ILDR1: variants seen among roughly 807,000 people sequenced by gnomAD.
ILDR1 encodes the protein immunoglobulin like domain containing receptor 1.
A neutral mutation model predicts 62.4 loss-of-function variants in ILDR1; 56 were observed. The observed-to-expected ratio is 0.90, with a 90% CI of 0.72 to 1.12. The LOEUF (loss-of-function observed/expected upper bound fraction) is 1.12. ILDR1 is among the 50% of genes most tolerant of loss of function. The pLI is 0.00. For synonymous variants in ILDR1, 284 were observed against 277.8 expected (o/e 1.02, Z -0.22); for missense variants, 736 against 710.6 (o/e 1.04, Z -0.41).
intron 5 of ILDR1, among the ~76,000 whole-genome samples, chr3:121,996,258 CT>C (rs1172594074): frequency 1.3e-5 from 2 of 152,206 alleles, no homozygotes; most frequent in Non-Finnish European, 2.9e-5. Context: ...GATTTTTTCA[CT>C]AATGGGACTC....
the ILDR1 span, among the ~76,000 whole-genome samples, chr3:122,050,403 TCTTA>T: frequency 8.6e-3 from 1,315 of 152,272 alleles, 22 homozygotes; most frequent in African/African-American, 0.029. Flanking sequence ...TTTATACCTT[TCTTA>T]CTTTCTTTTG....
intron 1 of ILDR1, among the ~76,000 whole-genome samples, chr3:122,011,664 C>T (rs1159609416): frequency 1.3e-5 from 2 of 150,530 alleles, no homozygotes; most frequent in African/African-American, 4.9e-5. Flanking sequence ...TTCTCTCTCT[C>T]TCTCTCTCTC....
At position 122,022,024 on chromosome 3, in the gene ILDR1, T is replaced by G; in HGVS notation, c.54A>C (p.Pro18=). 12 of 1,611,082 alleles carry G rather than the reference T, an allele frequency of 7.4e-6. No individual in the cohort carries two copies. The highest frequency in any genetic ancestry group is 1.0e-5 in the Non-Finnish European group (12 of 1,178,730). The part of the protein sequence containing the change: ...APWLLLCTWL[P]AGCLSLLVTV... ...TACCATTTTTCCAAGGCTCACCTGC[T>G]GGGAGCCAGGTGCAGAGCAGCAGCC... Residue 18 remains proline (P), a synonymous_variant, in exon 1 of 8, where the codon CCA becomes CCC. Transcript: ENST00000344209.
the ILDR1 span, among the ~76,000 whole-genome samples, chr3:122,037,843 G>T: frequency 6.6e-6 from 1 of 152,148 alleles, no homozygotes; most frequent in Non-Finnish European, 1.5e-5. Context: ...AGATCATGGG[G>T]CAGATTTCCT....
At chr3:121,998,161 C>T in intron 5 of ILDR1, among the ~76,000 whole-genome samples, 1 of 152,188 alleles carries the variant, frequency 6.6e-6, no homozygotes, top group East Asian at 1.9e-4. Context: ...GGCTGCTTCC[C>T]TTTCCCTTCC....
chr3:122,041,705 G>T, the ILDR1 span, among the ~76,000 whole-genome samples: 1 of 151,864 alleles, frequency 6.6e-6, no homozygotes, highest in Non-Finnish European at 1.5e-5. Context: ...TCCTTTGCAG[G>T]TTGTTCATTG....
intron 1 of ILDR1, chr3:122,007,429 A>C: frequency 1.9e-6 from 1 of 532,220 alleles, no homozygotes; most frequent in East Asian, 3.6e-5. Context: ...GACATATCCA[A>C]CAACAATATA....
chr3:122,055,421 G>A, the ILDR1 span: 1 of 1,503,302 alleles, frequency 6.7e-7, no homozygotes, highest in African/African-American at 1.4e-5. Context: ...TGCTGTAACA[G>A]GGACTAGCAC....
At chr3:122,007,416 G>T in intron 1 of ILDR1, 1 of 581,022 alleles carries the variant, frequency 1.7e-6, no homozygotes, top group Admixed American at 2.9e-5. Flanking sequence ...CATTAACAGT[G>T]ATGACATATC....
At chr3:121,989,070 G>A (rs1330330389) in intron 7 of ILDR1, among the ~76,000 whole-genome samples, 1 of 152,082 alleles carries the variant, frequency 6.6e-6, no homozygotes, top group Non-Finnish European at 1.5e-5. Context: ...TATACTTGTG[G>A]TCCATGAATG....
chr3:122,005,632 A>G (rs1270330543), intron 2 of ILDR1, among the ~76,000 whole-genome samples: 1 of 152,122 alleles, frequency 6.6e-6, no homozygotes. Flanking sequence ...TTGAGCAGCC[A>G]GACTCCTGAC....
the ILDR1 span, among the ~76,000 whole-genome samples, chr3:122,061,568 C>G: frequency 6.6e-6 from 1 of 151,908 alleles, no homozygotes; most frequent in Admixed American, 6.6e-5. Flanking sequence ...AGACATTTCC[C>G]CAAAGAAAAT....
intron 5 of ILDR1, 139 bp from the exon 6 acceptor site, chr3:121,994,452 G>A: frequency 5.3e-6 from 5 of 950,482 alleles, no homozygotes; most frequent in Non-Finnish European, 5.9e-6. Context: ...GGGAGTAAGG[G>A]TTAAGGGGGT....
intron 1 of ILDR1, among the ~76,000 whole-genome samples, chr3:122,013,565 A>G (rs1322253444): frequency 6.6e-6 from 1 of 152,142 alleles, no homozygotes; most frequent in Non-Finnish European, 1.5e-5. Flanking sequence ...CATATTTACC[A>G]TCAGTGCCTG....
At chr3:122,042,041 T>C in the ILDR1 span, among the ~76,000 whole-genome samples, 1 of 123,712 alleles carries the variant, frequency 8.1e-6, no homozygotes, top group Non-Finnish European at 1.7e-5. Flanking sequence ...GCATTAGGTA[T>C]ATCTCCCAAT....
At chr3:121,989,245 G>T (rs576080128) in intron 7 of ILDR1, among the ~76,000 whole-genome samples, 47 of 152,266 alleles carry the variant, frequency 3.1e-4, no homozygotes, top group Non-Finnish European at 6.0e-4. Flanking sequence ...TCAAAATACT[G>T]CAGGATAAAT....
At chr3:122,040,580 G>T in the ILDR1 span, among the ~76,000 whole-genome samples, 2 of 151,758 alleles carry the variant, frequency 1.3e-5, no homozygotes, top group African/African-American at 4.8e-5. Context: ...ATTAGCAAAA[G>T]AATAGATTAT....
the ILDR1 span, among the ~76,000 whole-genome samples, chr3:122,059,342 A>G: frequency 4.6e-5 from 7 of 152,230 alleles, no homozygotes; most frequent in Non-Finnish European, 1.5e-5. Context: ...TCTACAATAG[A>G]TACTAAGGAG....
In ILDR1 at chr3:121,993,770, G is replaced by T; in HGVS notation, c.979C>A (p.Arg327Ser). 1 of 1,614,164 alleles carries T rather than the reference G, an allele frequency of 6.2e-7. No individual in the cohort carries two copies. The highest frequency in any genetic ancestry group is 1.1e-5 in the South Asian group (1 of 91,080). The change falls in exon 7 of 8, where the codon CGC (arginine) becomes AGC (serine). Residue 327 changes from arginine (R) to serine (S), a missense_variant. Transcript: ENST00000344209. ...AGTGGGGGCAGGTGGATGATTCTGC[G>T]TTCCACGACCTCAGAGCCCAGGGAG... Reference protein sequence around the residue: ...LSSLGSEVVERRIIHLPPLIR... With the variant: ...LSSLGSEVVESRIIHLPPLIR...
Sources: gnomAD v4.1 joint callset for allele counts (sites outside exome capture counted in the v4.1 genomes callset) on GRCh38, gnomAD v4.1.1 for gene constraint, MANE v1.5 for transcripts, NCBI Gene and HGNC (gene_info 2026-07-23, HGNC 2026-07-21) for gene names.